Variants in ENTPD1 observed in about 807,000 individuals in gnomAD.
The protein encoded by ENTPD1 is ATP diphosphohydrolase.
In ENTPD1, 33 loss-of-function variants were observed where a neutral mutation model predicts 57.0. That is an observed-to-expected ratio of 0.58 (90% confidence interval 0.44 to 0.77). The LOEUF is 0.77. Ranked by LOEUF, ENTPD1 falls within the 30% of genes least tolerant of loss-of-function variation. The pLI is 0.00. For missense variants in ENTPD1, 501 were observed against 603.4 expected (o/e 0.83, Z 1.78); for synonymous variants, 202 against 218.8 (o/e 0.92, Z 0.68).
chr10:95,711,202 A>T (rs2097965273), upstream of ENTPD1, among the ~76,000 whole-genome samples: 1 of 152,200 alleles, frequency 6.6e-6, no homozygotes, highest in Admixed American at 6.5e-5. Flanking sequence ...TAAAGAAATG[A>T]TCTGACCTGC....
rs2141018620 is a variant in ENTPD1 at position 95,868,585 on chromosome 10, T to C, written c.*2202T>C. 2.0e-6 allele frequency: 2 copies of C among 985,286 alleles called. No homozygotes were observed. Among genetic ancestry groups the C allele is most frequent in the African/African-American group, 1.7e-5 (1 of 57,324 alleles). The allele number at this position is 985,286 out of a possible 1,614,324, so 61.0% of individuals were successfully genotyped here. A position where few individuals can be genotyped will look rare whatever the true frequency, so the allele number is the denominator to read the frequency against. On this transcript the variant is annotated 3_prime_UTR_variant, in exon 10 of 10. Transcript: ENST00000371205. ...CCTTCTGTCTGCGTATACAAAGCAC[T>C]GTCATGCACACAATCTATTCTGACC...
rs1239769345 is a variant in ENTPD1, at chr10:95,844,580, A to G, written c.518A>G (p.Glu173Gly). ...GGTGCCAGGATCATTACTGGCCAAG[A>G]GGAAGGTGCCTATGGCTGGATTACT... ...FQGARIITGQ[E>G]EGAYGWITIN... is the part of the protein sequence containing the mutation. Residue 173 changes from glutamate to glycine, a missense_variant, in exon 5 of 10, where the codon GAG (glutamate) becomes GGG (glycine). By Grantham distance (98) the Glu-to-Gly change is moderately conservative (BLOSUM62 -2). Coordinates refer to ENST00000371205, the MANE Select transcript of ENTPD1 (RefSeq NM_001776.6). 6.2e-7 allele frequency: 1 copy of G among 1,614,194 alleles called. No homozygotes were observed. Among genetic ancestry groups the G allele is most frequent in the South Asian group, 1.1e-5 (1 of 91,078 alleles).
At chr10:95,795,756 C>G (rs903479846) in intron 1 of ENTPD1, among the ~76,000 whole-genome samples, 3 of 152,162 alleles carry the variant, frequency 2.0e-5, no homozygotes, top group African/African-American at 7.2e-5. Flanking sequence ...GCATCAGTAC[C>G]TAGTCATACT....
At chr10:95,834,297 AAGAT>A (rs2098404282) in intron 2 of ENTPD1, among the ~76,000 whole-genome samples, 1 of 152,198 alleles carries the variant, frequency 6.6e-6, no homozygotes, top group Admixed American at 6.5e-5. Context: ...TCTAATAATA[AAGAT>A]AGATATTAAT....
intron 7 of ENTPD1, among the ~76,000 whole-genome samples, chr10:95,853,095 C>G (rs1265478263): frequency 6.6e-6 from 1 of 152,166 alleles, no homozygotes; most frequent in Non-Finnish European, 1.5e-5. Flanking sequence ...TTTGTATCCT[C>G]TTTTATTTCA....
intron 1 of ENTPD1, among the ~76,000 whole-genome samples, chr10:95,816,282 C>T (rs554343589): frequency 1.1e-4 from 17 of 152,226 alleles, no homozygotes; most frequent in African/African-American, 2.9e-4. Flanking sequence ...GGAGAAGAGC[C>T]CTTTCCTGCC....
intron 1 of ENTPD1, among the ~76,000 whole-genome samples, chr10:95,793,951 T>G (rs1296410214): frequency 6.6e-6 from 1 of 152,238 alleles, no homozygotes; most frequent in African/African-American, 2.4e-5. Context: ...TCAATCCAAT[T>G]AATTCATATC....
At chr10:95,845,227 G>A in intron 5 of ENTPD1, 130 bp from the exon 6 acceptor site, 2 of 1,222,706 alleles carry the variant, frequency 1.6e-6, no homozygotes, top group East Asian at 4.7e-5. Flanking sequence ...TAGATCAGGA[G>A]CCTCTAGTGA....
chr10:95,771,682 T>A (rs2098116350), intron 1 of ENTPD1, among the ~76,000 whole-genome samples: 1 of 152,174 alleles, frequency 6.6e-6, no homozygotes, highest in South Asian at 2.1e-4. Context: ...CCCCAGTGTA[T>A]CTCTGGGCAT....
chr10:95,847,462 T>A lies in ENTPD1; in HGVS notation c.830T>A (p.Ile277Asn), dbSNP rs2098437872. Reference sequence around the variant, plus strand: ...TCCATTCAGGTTGCAAGTAATGAAATTCTCAGGGACCCATGCTTTCATCCT... The same window carrying A: ...TCCATTCAGGTTGCAAGTAATGAAAATCTCAGGGACCCATGCTTTCATCCT... ...AKDIQVASNE[I>N]LRDPCFHPGY... The change falls in exon 7 of 10, where the codon ATT (isoleucine) becomes AAT (asparagine). Residue 277 changes from isoleucine to asparagine, a missense_variant. Ile to Asn is a moderately radical substitution (Grantham distance 149). Coordinates refer to ENST00000371205, the MANE Select transcript of ENTPD1 (RefSeq NM_001776.6). 6.2e-7 allele frequency: 1 copy of A among 1,614,040 alleles called. No homozygotes were observed. Among genetic ancestry groups the A allele is most frequent in the South Asian group, 1.1e-5 (1 of 91,084 alleles).
chr10:95,863,058 C>T (rs2140990778), intron 8 of ENTPD1, among the ~76,000 whole-genome samples: 1 of 152,212 alleles, frequency 6.6e-6, no homozygotes, highest in Middle Eastern at 3.4e-3. Flanking sequence ...CATAGTGATC[C>T]ACCCACAGGC....
At chr10:95,727,863 A>C (rs2097985337) in intron 1 of ENTPD1, among the ~76,000 whole-genome samples, 1 of 152,194 alleles carries the variant, frequency 6.6e-6, no homozygotes, top group African/African-American at 2.4e-5. Context: ...AATCTAAACA[A>C]ATCTAGAATT....
intron 1 of ENTPD1, among the ~76,000 whole-genome samples, chr10:95,803,359 G>A (rs368935269): frequency 2.2e-4 from 34 of 152,210 alleles, no homozygotes; most frequent in East Asian, 1.2e-3. Context: ...CCACAGCCTC[G>A]TCAGCATCTG....
intron 1 of ENTPD1, among the ~76,000 whole-genome samples, chr10:95,789,744 A>G (rs1044745472): frequency 2.6e-5 from 4 of 152,246 alleles, no homozygotes; most frequent in African/African-American, 9.6e-5. Context: ...CAGACCATGC[A>G]TGACACCACT....
At chr10:95,834,722 C>T (rs971830696) in intron 2 of ENTPD1, among the ~76,000 whole-genome samples, 1 of 152,060 alleles carries the variant, frequency 6.6e-6, no homozygotes, top group Admixed American at 6.6e-5. Flanking sequence ...TCTCAGTGAG[C>T]TTAGGGTCTG....
At chr10:95,777,615 C>A (rs1384691959) in intron 1 of ENTPD1, among the ~76,000 whole-genome samples, 3 of 152,230 alleles carry the variant, frequency 2.0e-5, no homozygotes, top group Non-Finnish European at 4.4e-5. Context: ...GGGTCAGAGA[C>A]CCACTTGAGT....
At chr10:95,748,575 G>A (rs932957015) in intron 1 of ENTPD1, among the ~76,000 whole-genome samples, 2 of 152,174 alleles carry the variant, frequency 1.3e-5, no homozygotes, top group African/African-American at 4.8e-5. Flanking sequence ...ATTTCTGTGT[G>A]TGTCTCCAGC....
intron 1 of ENTPD1, among the ~76,000 whole-genome samples, chr10:95,792,071 TA>T (rs139434419): frequency 2.0e-5 from 3 of 150,546 alleles, no homozygotes; most frequent in African/African-American, 2.4e-5. Flanking sequence ...CTTGCATAGT[TA>T]AAAAAAAACA....
chr10:95,725,698 A>G (rs1335598639), intron 1 of ENTPD1, among the ~76,000 whole-genome samples: 2 of 152,188 alleles, frequency 1.3e-5, no homozygotes, highest in African/African-American at 4.8e-5. Flanking sequence ...ACTCCTGCTC[A>G]ATCTGTTTGT....
Sources: gnomAD v4.1 joint callset for allele counts (sites outside exome capture counted in the v4.1 genomes callset) on GRCh38, gnomAD v4.1.1 for gene constraint, MANE v1.5 for transcripts, NCBI Gene and HGNC (gene_info 2026-07-23, HGNC 2026-07-21) for gene names.